Variants in PAX2 observed in about 807,000 individuals in gnomAD.
The protein encoded by PAX2 is paired box protein Pax-2.
PAX2 carries 9 observed loss-of-function variants against 41.7 expected under a neutral mutation model. The observed-to-expected ratio is 0.22, with a 90% CI of 0.13 to 0.38. The LOEUF (loss-of-function observed/expected upper bound fraction) is 0.38. PAX2 is among the 10% of genes least tolerant of loss of function. The pLI, the probability that PAX2 is intolerant of heterozygous loss-of-function variation, is 1.00. For missense variants in PAX2, 418 were observed against 531.6 expected, an observed-to-expected ratio of 0.79 and a Z score of 2.10; for synonymous variants, 221 against 212.7, an observed-to-expected ratio of 1.04 and a Z score of -0.34.
intron 5 of PAX2, among the ~76,000 whole-genome samples, chr10:100,805,728 G>A (rs2863047): frequency 2.0e-5 from 3 of 152,306 alleles, no homozygotes; most frequent in Non-Finnish European, 4.4e-5. Context: ...TGGAGACAGA[G>A]GCCGAGAAGG....
In PAX2 at chr10:100,827,034, C is replaced by G. The variant is rs778215154; in HGVS notation, c.1047C>G (p.Tyr349Ter). The change falls in exon 9 of 10, where the codon TAC (tyrosine) becomes TAG (stop). Residue 349 changes from tyrosine to a stop codon, truncating the protein, a stop_gained. Coordinates refer to ENST00000355243, the MANE Select transcript of PAX2 (RefSeq NM_000278.5). LOFTEE classifies it high-confidence loss of function. This position sits in a 1 kb window ranked among gnomAD's most constrained non-coding sequence, Gnocchi z 8.5. Reference protein sequence around the residue: ...VPGSEFSGNPYSHPQYTAYNE... With the variant: ...VPGSEFSGNP Reference sequence around the variant, plus strand: ...GGAGCGAGTTCTCCGGCAACCCGTACAGCCACCCCCAGTACACGGCCTACA... The same window carrying G: ...GGAGCGAGTTCTCCGGCAACCCGTAGAGCCACCCCCAGTACACGGCCTACA... 1 of 1,613,672 alleles carries G rather than the reference C, an allele frequency of 6.2e-7. No homozygotes were observed. Among genetic ancestry groups the G allele is most frequent in the Non-Finnish European group, 8.5e-7 (1 of 1,179,578 alleles).
chr10:100,810,749 G>A (rs368188079), intron 7 of PAX2, among the ~76,000 whole-genome samples: 4 of 152,196 alleles, frequency 2.6e-5, no homozygotes, highest in African/African-American at 4.8e-5. Context: ...AGTCTAGAAG[G>A]CAAGGGCTTC....
chr10:100,812,302 C>T (rs1021140137), intron 7 of PAX2, among the ~76,000 whole-genome samples: 3 of 152,242 alleles, frequency 2.0e-5, no homozygotes, highest in Middle Eastern at 3.2e-3. Flanking sequence ...CTTTCCCTTC[C>T]GCCGCTGGGC....
intron 4 of PAX2, 98 bp from the exon 5 acceptor site, chr10:100,781,148 C>A: frequency 8.2e-7 from 1 of 1,218,564 alleles, no homozygotes; most frequent in Non-Finnish European, 1.2e-6. Context: ...CTCCTTATGT[C>A]CTCTGCTTCT....
rs866132937 is a variant in PAX2 at position 100,748,895 on chromosome 10, C to A, written c.44-851C>A. The A allele has an allele frequency of 2.0e-6, 2 of 985,274 alleles. No individual in the cohort carries two copies. The highest frequency in any genetic ancestry group is 6.1e-5 in the Admixed American group (1 of 16,272). 61.0% of individuals were successfully genotyped at this position (985,274 alleles called of 1,614,324 possible). A position where few individuals can be genotyped will look rare whatever the true frequency, so the allele number is the denominator to read the frequency against. On this transcript the variant is annotated intron_variant, in intron 1 of 9. Coordinates refer to ENST00000355243, the MANE Select transcript of PAX2 (RefSeq NM_000278.5). This position sits in a 1 kb window ranked among gnomAD's most constrained non-coding sequence, Gnocchi z 5.0. ...CGCCAGCGAGGCCTATGCCGTGCCA[C>A]CTGGGCGAGACGGTGGGCCCCAACC... is the stretch of plus-strand genomic sequence containing the variant.
Position 100,828,387 on chromosome 10 carries a change from C to A in PAX2, c.*768C>A. The A allele has an allele frequency of 4.3e-6, 1 of 233,720 alleles. No individual in the cohort carries two copies. The highest frequency in any genetic ancestry group is 8.4e-6 in the Non-Finnish European group (1 of 118,456). The allele number at this position is 233,720 out of a possible 1,614,324, so 14.5% of individuals were successfully genotyped here. A position where few individuals can be genotyped will look rare whatever the true frequency, so the allele number is the denominator to read the frequency against. ...TGCTCCTCCTGGCCTGCCTAGTTCC[C>A]CAGGGCCCGGCACCTCCTGCTGCGA... On this transcript the variant is annotated 3_prime_UTR_variant, in exon 10 of 10. Coordinates refer to ENST00000355243, the MANE Select transcript of PAX2 (RefSeq NM_000278.5). This position sits in a 1 kb window ranked among gnomAD's most constrained non-coding sequence, Gnocchi z 6.5.
intron 5 of PAX2, among the ~76,000 whole-genome samples, chr10:100,790,971 C>T (rs553295577): frequency 2.0e-5 from 3 of 152,222 alleles, no homozygotes; most frequent in Non-Finnish European, 4.4e-5. Flanking sequence ...TAATTCAAAC[C>T]ATCCTGACCC....
Position 100,824,801 on chromosome 10 carries a change from G to T in PAX2, c.1021+52G>T. On this transcript the variant is annotated intron_variant, in intron 8 of 9. Transcript: ENST00000355243. The surrounding 1 kb of genome is among the most constrained non-coding windows in gnomAD (Gnocchi z 6.6). ...ATCTAGGTGGGGGGAACTAAATTGT[G>T]GGTGAGCTGCTGAATGGTCTGTAGT... is the stretch of plus-strand genomic sequence containing the variant. 1 of 1,500,372 alleles carries T rather than the reference G, an allele frequency of 6.7e-7. No homozygotes were observed. The allele number at this position is 1,500,372 out of a possible 1,614,324, so 92.9% of individuals were successfully genotyped here. A position where few individuals can be genotyped will look rare whatever the true frequency, so the allele number is the denominator to read the frequency against.
At chr10:100,763,795 C>T (rs1413272736) in intron 3 of PAX2, among the ~76,000 whole-genome samples, 2 of 152,202 alleles carry the variant, frequency 1.3e-5, no homozygotes, top group African/African-American at 4.8e-5. Context: ...AGCTATGTGG[C>T]ATAGTGTTAG....
Position 100,824,960 on chromosome 10 carries a change from A to G in PAX2, c.1021+211A>G, listed in dbSNP as rs764921688. 1.9e-6 allele frequency: 3 copies of G among 1,614,068 alleles called. No homozygotes were observed. The highest frequency in any genetic ancestry group is 2.2e-5 in the East Asian group (1 of 44,860). ...GCAAGCCGGGGAGGAAGCTTGCAGA[A>G]GTGCCCCCTTGTGTGCAACCCACTG... On this transcript the variant is annotated intron_variant, in intron 8 of 9. Coordinates refer to ENST00000355243, the MANE Select transcript of PAX2 (RefSeq NM_000278.5). This position sits in a 1 kb window ranked among gnomAD's most constrained non-coding sequence, Gnocchi z 6.6.
Position 100,791,244 on chromosome 10 carries a change from A to G in PAX2, c.616+9879A>G, listed in dbSNP as rs1353913577. Among the ~76,000 whole-genome samples the G allele has an allele frequency of 6.6e-6, 1 of 152,172 alleles. No individual in the cohort carries two copies. The highest frequency in any genetic ancestry group is 1.5e-5 in the Non-Finnish European group (1 of 68,028). On this transcript the variant is annotated intron_variant, in intron 5 of 9. Coordinates refer to ENST00000355243, the MANE Select transcript of PAX2 (RefSeq NM_000278.5). The surrounding 1 kb of genome is among the most constrained non-coding windows in gnomAD (Gnocchi z 4.5). ...GTGGGCATCTCCTGGGGGCCTTTCC[A>G]GGACTGGGGCTGGGGCTTTATCCTG...
chr10:100,738,824 C>T (rs530923710), intron 1 of PAX2, among the ~76,000 whole-genome samples: 3 of 152,192 alleles, frequency 2.0e-5, no homozygotes, highest in African/African-American at 7.2e-5. Context: ...AGCATTTTTT[C>T]CAGAAAGAGA....
At chr10:100,782,063 T>C (rs11190701) in intron 5 of PAX2, among the ~76,000 whole-genome samples, 23,634 of 152,066 alleles carry the variant, frequency 0.16, 2,257 homozygotes, top group Middle Eastern at 0.3. Context: ...TGTCGTGACA[T>C]TGGGGGTCCC....
intron 3 of PAX2, among the ~76,000 whole-genome samples, chr10:100,763,796 A>G (rs2133863631): frequency 6.6e-6 from 1 of 152,338 alleles, no homozygotes; most frequent in Non-Finnish European, 1.5e-5. Flanking sequence ...GCTATGTGGC[A>G]TAGTGTTAGA....
intron 7 of PAX2, among the ~76,000 whole-genome samples, chr10:100,810,845 C>T (rs1847966281): frequency 6.6e-6 from 1 of 152,302 alleles, no homozygotes; most frequent in East Asian, 1.9e-4. Flanking sequence ...CCACCTTGAG[C>T]AGCCCCCACC....
chr10:100,792,198 G>A (rs2133921093), intron 5 of PAX2, among the ~76,000 whole-genome samples: 1 of 152,362 alleles, frequency 6.6e-6, no homozygotes, highest in Admixed American at 6.5e-5. Flanking sequence ...AGCTCACAGA[G>A]GGACTTAAAA....
rs1446436114 is a variant in PAX2, at chr10:100,791,318, C to T, written c.616+9953C>T. 6.6e-6 allele frequency among the ~76,000 whole-genome samples: 1 copy of T among 152,154 alleles called. No individual in the cohort carries two copies. Among genetic ancestry groups the T allele is most frequent in the Non-Finnish European group, 1.5e-5 (1 of 68,030 alleles). On this transcript the variant is annotated intron_variant, in intron 5 of 9. Transcript: ENST00000355243. This position sits in a 1 kb window ranked among gnomAD's most constrained non-coding sequence, Gnocchi z 4.5. ...CCTTCTCTTTCTGCCCCAGGCTTCA[C>T]CTTTTTCAGGAGGACTGGCTAGAGT...
intron 3 of PAX2, among the ~76,000 whole-genome samples, chr10:100,773,897 CT>C (rs1291720859): frequency 6.6e-6 from 1 of 152,192 alleles, no homozygotes; most frequent in Non-Finnish European, 1.5e-5. Flanking sequence ...ATTTCCACCC[CT>C]GAGCCTGCAC....
intron 7 of PAX2, among the ~76,000 whole-genome samples, chr10:100,818,663 A>G (rs776116543): frequency 6.6e-6 from 1 of 152,208 alleles, no homozygotes; most frequent in African/African-American, 2.4e-5. Flanking sequence ...GGATCAGTTA[A>G]CCCCAATTTA....
Sources: gnomAD v4.1 joint callset for allele counts (sites outside exome capture counted in the v4.1 genomes callset) on GRCh38, gnomAD v4.1.1 for gene constraint, Gnocchi (gnomAD v3.1) non-coding constraint, MANE v1.5 for transcripts, NCBI Gene and HGNC (gene_info 2026-07-23, HGNC 2026-07-21) for gene names.